Variants in KCTD16 observed in about 807,000 individuals in gnomAD.
KCTD16 encodes potassium channel tetramerization domain containing 16, also known as BTB/POZ domain-containing protein KCTD16.
Under a neutral mutation model 33.2 loss-of-function variants are expected in KCTD16, and 13 were observed. The observed-to-expected ratio is 0.39, with a 90% confidence interval of 0.25 to 0.62. The LOEUF (loss-of-function observed/expected upper bound fraction) is 0.62. Among genes scored for constraint, KCTD16 ranks in the 20% least tolerant of loss-of-function variants. The pLI, the probability that KCTD16 is intolerant of heterozygous loss-of-function variation, is 0.50. For missense variants in KCTD16, 441 were observed against 525.1 expected (o/e 0.84, Z 1.57); for synonymous variants, 197 against 195.3 (o/e 1.01, Z -0.07).
At chr5:144,428,548 T>C (rs541826756) in intron 3 of KCTD16, among the ~76,000 whole-genome samples, 13 of 152,220 alleles carry the variant, frequency 8.5e-5, no homozygotes, top group Non-Finnish European at 1.8e-4. Flanking sequence ...TTTGCCTGAG[T>C]GAATGACTTA....
At chr5:144,471,023 C>T (rs758678730) in intron 3 of KCTD16, among the ~76,000 whole-genome samples, 1 of 151,980 alleles carries the variant, frequency 6.6e-6, no homozygotes, top group Non-Finnish European at 1.5e-5. Context: ...ACTGAACATA[C>T]CAAAAAATTA....
chr5:144,299,628 T>C (rs1751367828), intron 3 of KCTD16, among the ~76,000 whole-genome samples: 1 of 152,138 alleles, frequency 6.6e-6, no homozygotes, highest in Non-Finnish European at 1.5e-5. Context: ...TGTAACCTTA[T>C]TGAAAGCCTT....
At chr5:144,185,493 T>A (rs1752707118) in intron 2 of KCTD16, among the ~76,000 whole-genome samples, 1 of 152,142 alleles carries the variant, frequency 6.6e-6, no homozygotes, top group African/African-American at 2.4e-5. Context: ...CTTTTTTGGC[T>A]CTGGTTGAGC....
intron 3 of KCTD16, among the ~76,000 whole-genome samples, chr5:144,418,913 TTAA>T (rs1561601570): frequency 6.6e-6 from 1 of 152,154 alleles, no homozygotes; most frequent in Admixed American, 6.6e-5. Context: ...TTACAACCCA[TTAA>T]CATCATGGTT....
At position 144,252,607 on chromosome 5, in the gene KCTD16, A is replaced by T. The variant is rs1580821674; in HGVS notation, c.832+45061A>T. On this transcript the variant is annotated intron_variant, in intron 3 of 3. Transcript: ENST00000512467. ...TTGGCATCTGCAGTCTCACAGGTGA[A>T]TTTTTTTTTTTTTTCAGTAGGGGTT... 5.5e-5 allele frequency among the ~76,000 whole-genome samples: 8 copies of T among 145,088 alleles called. No homozygotes were observed. In the South Asian group the frequency reaches 1.5e-3, roughly 28 times the overall value.
chr5:144,386,899 G>T (rs1245267505), intron 3 of KCTD16, among the ~76,000 whole-genome samples: 2 of 152,136 alleles, frequency 1.3e-5, no homozygotes, highest in Non-Finnish European at 2.9e-5. Context: ...TGGTATTATT[G>T]TTGTTGTAAA....
chr5:144,340,152 C>T (rs555974036), intron 3 of KCTD16, among the ~76,000 whole-genome samples: 4 of 151,974 alleles, frequency 2.6e-5, no homozygotes, highest in Non-Finnish European at 1.5e-5. Flanking sequence ...TGGTGGCTCA[C>T]GCCTGTAATC....
chr5:144,418,058 G>C (rs763017399), intron 3 of KCTD16, among the ~76,000 whole-genome samples: 1 of 152,154 alleles, frequency 6.6e-6, no homozygotes, highest in African/African-American at 2.4e-5. Context: ...CCTTGGCAGT[G>C]AGTATTACAG....
intron 3 of KCTD16, among the ~76,000 whole-genome samples, chr5:144,446,787 C>A (rs895050811): frequency 6.6e-6 from 1 of 152,008 alleles, no homozygotes; most frequent in South Asian, 2.1e-4. Context: ...ATTTATGCAG[C>A]CAACAAACAT....
At chr5:144,296,514 A>G (rs1756041344) in intron 3 of KCTD16, among the ~76,000 whole-genome samples, 1 of 152,228 alleles carries the variant, frequency 6.6e-6, no homozygotes, top group Admixed American at 6.5e-5. Flanking sequence ...AGAATGTTCT[A>G]TAGATATAAT....
At chr5:144,196,378 G>C (rs572468937) in intron 2 of KCTD16, among the ~76,000 whole-genome samples, 2 of 151,946 alleles carry the variant, frequency 1.3e-5, no homozygotes, top group Non-Finnish European at 2.9e-5. Context: ...TACCCTTATA[G>C]GTATAAATGA....
intron 3 of KCTD16, among the ~76,000 whole-genome samples, chr5:144,258,971 G>T (rs1230099486): frequency 6.6e-6 from 1 of 151,818 alleles, no homozygotes; most frequent in African/African-American, 2.4e-5. Context: ...ATAAAAAAAG[G>T]GATGAGGCCG....
intron 3 of KCTD16, among the ~76,000 whole-genome samples, chr5:144,362,062 A>C (rs1751727603): frequency 6.6e-6 from 1 of 152,152 alleles, no homozygotes; most frequent in Non-Finnish European, 1.5e-5. Context: ...AGTGCCTTCC[A>C]ATCTAGAATT....
chr5:144,291,262 G>A (rs551372100), intron 3 of KCTD16, among the ~76,000 whole-genome samples: 4 of 152,112 alleles, frequency 2.6e-5, no homozygotes, highest in African/African-American at 9.6e-5. Flanking sequence ...TTCACCTCCT[G>A]CTGCTTTCTT....
intron 3 of KCTD16, among the ~76,000 whole-genome samples, chr5:144,323,167 G>T (rs1245009623): frequency 6.6e-6 from 1 of 152,128 alleles, no homozygotes; most frequent in East Asian, 1.9e-4. Flanking sequence ...GTGTGAAATA[G>T]ATTGAAAAAT....
chr5:144,476,871 T>C lies in KCTD16; in HGVS notation c.*2757T>C, dbSNP rs918306223. The C allele has an allele frequency of 6.6e-6, 1 of 152,172 alleles. No individual in the cohort carries two copies. Among genetic ancestry groups the C allele is most frequent in the African/African-American group, 2.4e-5 (1 of 41,446 alleles). The allele number at this position is 152,172 out of a possible 1,614,324, so 9.4% of individuals were successfully genotyped here. A position where few individuals can be genotyped will look rare whatever the true frequency, so the allele number is the denominator to read the frequency against. Reference sequence around the variant, plus strand: ...TTAAAATAGTTTTTAGAACTTTTTGTTTAATTCTGAAGAAAACAATATATA... The same window carrying C: ...TTAAAATAGTTTTTAGAACTTTTTGCTTAATTCTGAAGAAAACAATATATA... On this transcript the variant is annotated 3_prime_UTR_variant, in exon 4 of 4. Coordinates refer to ENST00000512467, the MANE Select transcript of KCTD16 (RefSeq NM_020768.4).
At chr5:144,424,110 C>G (rs1753270541) in intron 3 of KCTD16, among the ~76,000 whole-genome samples, 1 of 152,168 alleles carries the variant, frequency 6.6e-6, no homozygotes. Flanking sequence ...TACTCTGACT[C>G]TGAAGTCCAG....
intron 2 of KCTD16, among the ~76,000 whole-genome samples, chr5:144,178,841 C>G (rs1014292272): frequency 3.9e-5 from 6 of 152,138 alleles, no homozygotes; most frequent in Admixed American, 6.5e-5. Context: ...TTCCCACTCC[C>G]TGGAAATTAA....
chr5:144,182,569 A>C (rs1006368465), intron 2 of KCTD16, among the ~76,000 whole-genome samples: 1 of 152,216 alleles, frequency 6.6e-6, no homozygotes, highest in Non-Finnish European at 1.5e-5. Flanking sequence ...CAGGAGGGCT[A>C]TGAAGGTGAT....
Sources: gnomAD v4.1 joint callset for allele counts (sites outside exome capture counted in the v4.1 genomes callset) on GRCh38, gnomAD v4.1.1 for gene constraint, MANE v1.5 for transcripts, NCBI Gene and HGNC (gene_info 2026-07-23, HGNC 2026-07-21) for gene names.